Variants in ROCK2 observed in about 807,000 individuals in gnomAD.
The protein encoded by ROCK2 is Rho associated coiled-coil containing protein kinase 2.
A neutral mutation model predicts 195.1 loss-of-function variants in ROCK2; 61 were observed. The observed-to-expected ratio is 0.31, with a 90% confidence interval of 0.25 to 0.39. ROCK2 has a LOEUF of 0.39. Among genes scored for constraint, ROCK2 ranks in the 10% least tolerant of loss-of-function variants. The pLI is 1.00. For synonymous variants in ROCK2, 504 were observed against 545.5 expected (o/e 0.92, Z 1.06); for missense variants, 1,109 against 1,637.4 (o/e 0.68, Z 5.57).
intron 1 of ROCK2, among the ~76,000 whole-genome samples, chr2:11,332,784 T>C (rs1668810483): frequency 1.3e-5 from 2 of 152,204 alleles, no homozygotes; most frequent in South Asian, 2.1e-4. Context: ...TCACATATGG[T>C]GAATTCATAA....
intron 1 of ROCK2, among the ~76,000 whole-genome samples, chr2:11,328,216 G>A (rs1262857805): frequency 1.3e-5 from 2 of 152,060 alleles, no homozygotes; most frequent in African/African-American, 4.8e-5. Context: ...ATTACACGCA[G>A]TGAATTAAGA....
At chr2:11,316,207 A>T (rs930205036) in intron 1 of ROCK2, among the ~76,000 whole-genome samples, 1 of 152,158 alleles carries the variant, frequency 6.6e-6, no homozygotes, top group South Asian at 2.1e-4. Flanking sequence ...ATAAATAAAT[A>T]CTACGTATAT....
At chr2:11,265,735 A>C (rs1366199962) in intron 3 of ROCK2, among the ~76,000 whole-genome samples, 1 of 152,236 alleles carries the variant, frequency 6.6e-6, no homozygotes, top group Non-Finnish European at 1.5e-5. Flanking sequence ...GTTTAAAATA[A>C]AACAGCGACC....
intron 12 of ROCK2, among the ~76,000 whole-genome samples, chr2:11,216,557 C>G (rs1450669963): frequency 6.6e-6 from 1 of 150,512 alleles, no homozygotes; most frequent in East Asian, 1.9e-4. Flanking sequence ...GTCGCCCAGG[C>G]TGGAGTGCAG....
intron 1 of ROCK2, among the ~76,000 whole-genome samples, chr2:11,301,628 A>G (rs1667708098): frequency 6.6e-6 from 1 of 151,662 alleles, no homozygotes; most frequent in African/African-American, 2.4e-5. Context: ...AATACAAAAA[A>G]TTAGCCAAGC....
intron 3 of ROCK2, among the ~76,000 whole-genome samples, chr2:11,266,678 G>A (rs1242121763): frequency 1.3e-5 from 2 of 152,092 alleles, no homozygotes; most frequent in African/African-American, 2.4e-5. Flanking sequence ...ACACATATCC[G>A]CCATACTAAT....
chr2:11,342,389 C>CA (rs1669134459), intron 1 of ROCK2, among the ~76,000 whole-genome samples: 1 of 152,164 alleles, frequency 6.6e-6, no homozygotes, highest in South Asian at 2.1e-4. Flanking sequence ...AGCAATAAAA[C>CA]AAAATGCATG....
chr2:11,228,642 G>C (rs1664894286), intron 5 of ROCK2, among the ~76,000 whole-genome samples: 1 of 151,912 alleles, frequency 6.6e-6, no homozygotes, highest in African/African-American at 2.4e-5. Flanking sequence ...CTTCTGTTGG[G>C]GGAAAAAATC....
At chr2:11,266,512 T>G (rs990290878) in intron 3 of ROCK2, among the ~76,000 whole-genome samples, 2 of 152,224 alleles carry the variant, frequency 1.3e-5, no homozygotes, top group Admixed American at 1.3e-4. Flanking sequence ...GAATTCTATC[T>G]GTAGAAATTG....
intron 3 of ROCK2, among the ~76,000 whole-genome samples, chr2:11,277,201 C>T (rs959097724): frequency 2.0e-5 from 3 of 152,310 alleles, no homozygotes; most frequent in Admixed American, 6.5e-5. Context: ...CTATACAATT[C>T]TATGGCCTTA....
chr2:11,334,994 T>C (rs1668880545), intron 1 of ROCK2, among the ~76,000 whole-genome samples: 1 of 152,036 alleles, frequency 6.6e-6, no homozygotes, highest in African/African-American at 2.4e-5. Context: ...AAACAGCCCA[T>C]ACCTTACCAA....
At chr2:11,331,783 A>G (rs1357052791) in intron 1 of ROCK2, among the ~76,000 whole-genome samples, 1 of 152,274 alleles carries the variant, frequency 6.6e-6, no homozygotes, top group Admixed American at 6.5e-5. Flanking sequence ...AAAATTAGCC[A>G]GGCCTGGTGG....
At chr2:11,298,835 G>C (rs934369521) in intron 1 of ROCK2, among the ~76,000 whole-genome samples, 1 of 152,128 alleles carries the variant, frequency 6.6e-6, no homozygotes, top group Non-Finnish European at 1.5e-5. Flanking sequence ...CCCTGCTGGA[G>C]AATCTGAGAT....
chr2:11,316,160 A>G (rs942116515), intron 1 of ROCK2, among the ~76,000 whole-genome samples: 1 of 152,132 alleles, frequency 6.6e-6, no homozygotes. Flanking sequence ...ATGGGTAACT[A>G]TTGTAAAGGC....
intron 4 of ROCK2, among the ~76,000 whole-genome samples, chr2:11,236,275 TGAAA>T (rs1391468732): frequency 1.3e-5 from 2 of 151,416 alleles, no homozygotes; most frequent in African/African-American, 4.9e-5. Flanking sequence ...ACATTAAAGG[TGAAA>T]GAATGACAGA....
At chr2:11,319,773 C>T (rs1480787216) in intron 1 of ROCK2, among the ~76,000 whole-genome samples, 2 of 145,378 alleles carry the variant, frequency 1.4e-5, no homozygotes, top group African/African-American at 5.1e-5. Context: ...TAGATACGTC[C>T]CATCTGATCT....
In ROCK2 at chr2:11,181,628, T is replaced by C. The variant is rs188681304; in HGVS notation, c.*1809A>G. Reference sequence around the variant, plus strand: ...CTATTTCCTTCATCGAAATATTAGATGACTTTTTTTTTTTTTTTTTTTTGA... The same window carrying C: ...CTATTTCCTTCATCGAAATATTAGACGACTTTTTTTTTTTTTTTTTTTTGA... On this transcript the variant is annotated 3_prime_UTR_variant, in exon 33 of 33. Transcript: ENST00000315872. 6.6e-6 allele frequency: 1 copy of C among 150,462 alleles called. No homozygotes were observed. Among genetic ancestry groups the C allele is most frequent in the Admixed American group, 6.6e-5 (1 of 15,126 alleles). 9.3% of individuals were successfully genotyped at this position (150,462 alleles called of 1,614,324 possible). A position where few individuals can be genotyped will look rare whatever the true frequency, so the allele number is the denominator to read the frequency against.
chr2:11,308,982 C>T (rs1353096952), intron 1 of ROCK2: 6 of 1,606,404 alleles, frequency 3.7e-6, no homozygotes, highest in Non-Finnish European at 8.5e-7. Context: ...AATTTTACCA[C>T]TCAGTAGAAA....
chr2:11,214,772 A>G (rs1231082081), intron 16 of ROCK2, 68 bp downstream of exon 16: 6 of 1,393,646 alleles, frequency 4.3e-6, no homozygotes, highest in South Asian at 1.3e-5. Flanking sequence ...CACACTATCC[A>G]TCATCTAAAG....
Sources: allele counts gnomAD v4.1 joint callset (sites outside exome capture counted in the v4.1 genomes callset), GRCh38; gene constraint gnomAD v4.1.1; transcripts MANE v1.5; gene names NCBI Gene and HGNC (gene_info 2026-07-23, HGNC 2026-07-21).